The following RBM6 variants were observed in gnomAD, a reference collection of about 807,000 sequenced individuals.
The protein encoded by RBM6 is RNA-binding protein 6.
In RBM6, 23 loss-of-function variants were observed where a neutral mutation model predicts 140.4. That is an observed-to-expected ratio of 0.16 (90% CI 0.12 to 0.23). The LOEUF is 0.23. RBM6 is among the 10% of genes least tolerant of loss of function. RBM6 has a pLI of 1.00. For synonymous variants in RBM6, 439 were observed against 475.6 expected, an observed-to-expected ratio of 0.92 and a Z score of 1.00; for missense variants, 1,139 against 1,386.7, an observed-to-expected ratio of 0.82 and a Z score of 2.84.
intron 6 of RBM6, among the ~76,000 whole-genome samples, chr3:50,017,340 G>A (rs759235966): frequency 3.3e-5 from 5 of 152,020 alleles, no homozygotes; most frequent in African/African-American, 4.8e-5. Flanking sequence ...GGTGGATCAC[G>A]AGGTCAGGAG....
At chr3:50,057,272 A>G (rs2089739755) in intron 8 of RBM6, among the ~76,000 whole-genome samples, 1 of 152,094 alleles carries the variant, frequency 6.6e-6, no homozygotes, top group Non-Finnish European at 1.5e-5. Context: ...ACTTTTTATT[A>G]GATATTTCTG....
At chr3:50,066,980 G>A (rs551253558) in intron 17 of RBM6, among the ~76,000 whole-genome samples, 1 of 152,076 alleles carries the variant, frequency 6.6e-6, no homozygotes, top group Non-Finnish European at 1.5e-5. Context: ...CTTGAGATCA[G>A]GAGTTTGAGA....
At chr3:49,974,283 A>T (rs1043761984) in intron 4 of RBM6, among the ~76,000 whole-genome samples, 7 of 152,000 alleles carry the variant, frequency 4.6e-5, no homozygotes, top group Non-Finnish European at 8.8e-5. Flanking sequence ...GCAATGGCCC[A>T]ATCAAGGCTC....
chr3:49,987,139 C>G (rs2085600157), intron 5 of RBM6, among the ~76,000 whole-genome samples: 1 of 151,842 alleles, frequency 6.6e-6, no homozygotes, highest in Non-Finnish European at 1.5e-5. Flanking sequence ...GTGGCACGAT[C>G]TTGGCTCACT....
rs954519979 is a variant in RBM6, at chr3:50,062,021, A to G, written c.2499A>G (p.Lys833=). Residue 833 remains lysine, a synonymous_variant, in exon 15 of 21, where the codon AAA becomes AAG. Transcript: ENST00000266022. ...CTGAGGAAGAAGAGATCAAGGAAAAAAAACCCACCAGTCAAGGAAAGTCAA... is the reference window on the plus strand; with the variant it reads ...CTGAGGAAGAAGAGATCAAGGAAAAGAAACCCACCAGTCAAGGAAAGTCAA... ...GLPEEEEIKE[K]KPTSQGKSSS... 6 of 1,613,990 alleles carry G rather than the reference A, an allele frequency of 3.7e-6. No individual in the cohort carries two copies. The highest frequency in any genetic ancestry group is 5.1e-6 in the Non-Finnish European group (6 of 1,180,010).
intron 5 of RBM6, among the ~76,000 whole-genome samples, chr3:49,996,050 AC>A (rs763364815): frequency 5.3e-5 from 8 of 151,998 alleles, no homozygotes; most frequent in Non-Finnish European, 8.8e-5. Flanking sequence ...CACTTCCCAC[AC>A]CCTGTTTTCT....
intron 1 of RBM6, among the ~76,000 whole-genome samples, chr3:49,958,178 C>A (rs923118712): frequency 6.6e-6 from 1 of 152,122 alleles, no homozygotes; most frequent in Non-Finnish European, 1.5e-5. Context: ...GTAATCCCGA[C>A]ACTTTGGGAG....
intron 6 of RBM6, among the ~76,000 whole-genome samples, chr3:50,016,583 C>G (rs2108781695): frequency 6.6e-6 from 1 of 151,924 alleles, no homozygotes; most frequent in East Asian, 1.9e-4. Flanking sequence ...AAAGGGTTCC[C>G]TTTTCTCCAT....
At chr3:49,960,095 G>A (rs2084216128) in intron 1 of RBM6, among the ~76,000 whole-genome samples, 1 of 152,108 alleles carries the variant, frequency 6.6e-6, no homozygotes, top group Admixed American at 6.6e-5. Flanking sequence ...TTTTGTATTA[G>A]GTTGAAATAG....
intron 6 of RBM6, among the ~76,000 whole-genome samples, chr3:50,040,021 C>T (rs900939818): frequency 1.3e-5 from 2 of 152,080 alleles, no homozygotes; most frequent in African/African-American, 4.8e-5. Flanking sequence ...GACTACGGAT[C>T]CCTGGTTTTC....
At chr3:50,012,976 C>T (rs1406361393) in intron 6 of RBM6, among the ~76,000 whole-genome samples, 2 of 151,764 alleles carry the variant, frequency 1.3e-5, no homozygotes, top group Admixed American at 6.6e-5. Context: ...CTCCCGACCT[C>T]AGGTGATCTG....
chr3:49,984,611 A>ACATCGCATCGCATCGCATCGCATCG (rs72219946), intron 5 of RBM6, among the ~76,000 whole-genome samples: 27 of 86,154 alleles, frequency 3.1e-4, no homozygotes, highest in East Asian at 9.6e-4. Flanking sequence ...ACATCACATC[A>ACATCGCATCGCATCGCATCGCATCG]CATCGCATCG....
chr3:49,965,084 A>C (rs2084445614), intron 2 of RBM6, among the ~76,000 whole-genome samples: 4 of 152,210 alleles, frequency 2.6e-5, no homozygotes. Flanking sequence ...GATATTTTAT[A>C]TTAGTAGAAT....
intron 6 of RBM6, among the ~76,000 whole-genome samples, chr3:50,035,315 C>T (rs2088463166): frequency 6.6e-6 from 1 of 152,076 alleles, no homozygotes; most frequent in Non-Finnish European, 1.5e-5. Context: ...TGCACCAACA[C>T]ATAGCCTTTC....
intron 6 of RBM6, among the ~76,000 whole-genome samples, chr3:50,015,721 C>T (rs541221344): frequency 2.8e-4 from 42 of 152,210 alleles, no homozygotes; most frequent in Non-Finnish European, 4.7e-4. Flanking sequence ...CGTGAGCCAC[C>T]GCTCCCGGCC....
chr3:50,061,425 C>G lies in RBM6; in HGVS notation c.2354-37C>G, dbSNP rs1408924278. On this transcript the variant is annotated intron_variant, in intron 13 of 20. Transcript: ENST00000266022. ...AGTCTCCAGTAAGGGCTTCATTGGA[C>G]AGAGACTAACATTGGCTCTGATCTT... The G allele has an allele frequency of 2.5e-6, 4 of 1,586,130 alleles. No homozygotes were observed. The African/African-American group carries it at 4.1e-5, about 16-fold the overall frequency.
intron 5 of RBM6, among the ~76,000 whole-genome samples, chr3:49,994,552 CA>C (rs1166205297): frequency 3.2e-4 from 48 of 152,218 alleles, no homozygotes; most frequent in Middle Eastern, 3.4e-3. Context: ...ATTAGGAAAA[CA>C]GGACCTATAG....
chr3:50,005,551 A>G (rs774702923), intron 6 of RBM6, among the ~76,000 whole-genome samples: 4 of 151,858 alleles, frequency 2.6e-5, no homozygotes, highest in Non-Finnish European at 5.9e-5. Context: ...TGAGAATGCT[A>G]TTTGTGAGGC....
At position 50,036,275 on chromosome 3, in the gene RBM6, C is replaced by T. The variant is rs149026393; in HGVS notation, c.1558-11970C>T. On this transcript the variant is annotated intron_variant, in intron 6 of 20. Transcript: ENST00000266022. ...CCTTTTAATAAACTGGATGGTATGTCTTAACGTCTGATGGAGTTTAAAGGC... is the reference window on the plus strand; with the variant it reads ...CCTTTTAATAAACTGGATGGTATGTTTTAACGTCTGATGGAGTTTAAAGGC... Among the ~76,000 whole-genome samples, 209 of 152,284 alleles carry T rather than the reference C, an allele frequency of 1.4e-3. 1 individual carries two copies. The highest frequency in any genetic ancestry group is 4.9e-3 in the African/African-American group (205 of 41,576).
Sources: gnomAD v4.1 joint callset for allele counts (sites outside exome capture counted in the v4.1 genomes callset) on GRCh38, gnomAD v4.1.1 for gene constraint, MANE v1.5 for transcripts, NCBI Gene and HGNC (gene_info 2026-07-23, HGNC 2026-07-21) for gene names.